Variants in DNM3 observed in about 807,000 individuals in gnomAD.
The protein encoded by DNM3 is dynamin 3.
Under a neutral mutation model 101.6 loss-of-function variants are expected in DNM3, and 47 were observed. That is an observed-to-expected ratio of 0.46 (90% confidence interval 0.37 to 0.59). DNM3 has a LOEUF of 0.59. DNM3 is among the 20% of genes least tolerant of loss of function. DNM3 has a pLI of 0.00. For synonymous variants in DNM3, 385 were observed against 387.9 expected, an observed-to-expected ratio of 0.99 and a Z score of 0.09; for missense variants, 849 against 1,085.7, an observed-to-expected ratio of 0.78 and a Z score of 3.06.
intron 17 of DNM3, among the ~76,000 whole-genome samples, chr1:172,336,588 T>C (rs1288569566): frequency 1.3e-5 from 2 of 151,548 alleles, no homozygotes; most frequent in Non-Finnish European, 2.9e-5. Context: ...CAGTTTACTT[T>C]CCTTAAATCT....
intron 1 of DNM3, among the ~76,000 whole-genome samples, chr1:171,852,915 C>T (rs751159164): frequency 6.6e-6 from 1 of 150,606 alleles, no homozygotes; most frequent in Non-Finnish European, 1.5e-5. Flanking sequence ...TTGTTTTAAA[C>T]AGTCTACGAT....
intron 15 of DNM3, among the ~76,000 whole-genome samples, chr1:172,299,693 G>A (rs1309883612): frequency 6.6e-6 from 1 of 152,114 alleles, no homozygotes; most frequent in African/African-American, 2.4e-5. Flanking sequence ...CTCCATCCAT[G>A]TTGTTGCAAA....
chr1:171,843,809 A>AT (rs1381834839), intron 1 of DNM3, among the ~76,000 whole-genome samples: 1 of 152,210 alleles, frequency 6.6e-6, no homozygotes, highest in African/African-American at 2.4e-5. Context: ...AGAGTAAAAT[A>AT]TTTAAGTTTG....
intron 14 of DNM3, among the ~76,000 whole-genome samples, chr1:172,250,022 A>G (rs2062107477): frequency 6.6e-6 from 1 of 152,198 alleles, no homozygotes; most frequent in Non-Finnish European, 1.5e-5. Context: ...TAAACAAGAG[A>G]GTTGACTGAA....
chr1:172,346,454 AATCAGTGAAGACATTTAAAC>A (rs2066945532), intron 17 of DNM3, among the ~76,000 whole-genome samples: 2 of 152,210 alleles, frequency 1.3e-5, no homozygotes, highest in African/African-American at 4.8e-5. Flanking sequence ...AGCACTGTGG[AATCAGTGAAGACATTTAAAC>A]ATGGGATCAT....
intron 2 of DNM3, among the ~76,000 whole-genome samples, chr1:171,968,781 T>C (rs2043778881): frequency 6.6e-6 from 1 of 152,040 alleles, no homozygotes; most frequent in African/African-American, 2.4e-5. Context: ...TAAGCTATAC[T>C]AAGGGAAAAA....
intron 4 of DNM3, among the ~76,000 whole-genome samples, chr1:172,012,026 A>G (rs1485764872): frequency 6.6e-6 from 1 of 152,014 alleles, no homozygotes; most frequent in East Asian, 1.9e-4. Context: ...AATTTGCAAC[A>G]TTTGTTTCCT....
At chr1:172,140,710 T>G (rs1202646245) in intron 14 of DNM3, 1 of 151,944 alleles carries the variant, frequency 6.6e-6, no homozygotes, top group Non-Finnish European at 1.5e-5. Context: ...CAACAGTTTT[T>G]CAGGGGAAAA....
chr1:171,927,684 T>G (rs2040689694), intron 2 of DNM3, among the ~76,000 whole-genome samples: 1 of 152,190 alleles, frequency 6.6e-6, no homozygotes, highest in African/African-American at 2.4e-5. Context: ...TATATGGCCT[T>G]AAAAAAGAAC....
At chr1:172,119,518 C>T (rs2056161989) in intron 13 of DNM3, among the ~76,000 whole-genome samples, 1 of 152,000 alleles carries the variant, frequency 6.6e-6, no homozygotes, top group Non-Finnish European at 1.5e-5. Context: ...CTTCATGGGT[C>T]CATCCTCTCC....
chr1:172,401,689 A>G (rs937992330), intron 20 of DNM3, among the ~76,000 whole-genome samples: 1 of 152,226 alleles, frequency 6.6e-6, no homozygotes, highest in African/African-American at 2.4e-5. Flanking sequence ...TCTTTCCAGC[A>G]TCTACTGTAA....
chr1:172,193,100 T>C (rs2148448270), intron 14 of DNM3, among the ~76,000 whole-genome samples: 1 of 152,024 alleles, frequency 6.6e-6, no homozygotes, highest in Non-Finnish European at 1.5e-5. Context: ...CTCATTGTGG[T>C]TTTGATTTGC....
intron 17 of DNM3, among the ~76,000 whole-genome samples, chr1:172,358,920 A>G (rs1315182113): frequency 1.3e-5 from 2 of 151,612 alleles, no homozygotes; most frequent in Non-Finnish European, 2.9e-5. Context: ...CCACAGACAG[A>G]GTAGTCGGTA....
At chr1:172,364,426 A>G (rs992680408) in intron 17 of DNM3, among the ~76,000 whole-genome samples, 6 of 151,868 alleles carry the variant, frequency 4.0e-5, no homozygotes, top group Non-Finnish European at 7.4e-5. Flanking sequence ...TCTAAATACC[A>G]AATTATAGGA....
At chr1:172,340,320 T>C (rs914594111) in intron 17 of DNM3, among the ~76,000 whole-genome samples, 1 of 152,210 alleles carries the variant, frequency 6.6e-6, no homozygotes, top group African/African-American at 2.4e-5. Context: ...TGACAGCCTC[T>C]ACTCCATGGA....
intron 14 of DNM3, among the ~76,000 whole-genome samples, chr1:172,201,418 G>A (rs1375124671): frequency 6.6e-6 from 1 of 152,166 alleles, no homozygotes; most frequent in East Asian, 1.9e-4. Flanking sequence ...AGGGAAGTTA[G>A]TAGTGGTCAT....
intron 1 of DNM3, among the ~76,000 whole-genome samples, chr1:171,886,965 A>C (rs1485534403): frequency 6.6e-6 from 1 of 152,222 alleles, no homozygotes; most frequent in Non-Finnish European, 1.5e-5. Context: ...TTATAGTAAA[A>C]TTGTATTTTA....
chr1:172,195,323 G>A (rs1166009620), intron 14 of DNM3, among the ~76,000 whole-genome samples: 1 of 151,724 alleles, frequency 6.6e-6, no homozygotes. Flanking sequence ...AAAGACTTTG[G>A]GACAATTGTT....
In DNM3 at chr1:171,931,335, A is replaced by G. The variant is rs76885863; in HGVS notation, c.235+9514A>G. Among the ~76,000 whole-genome samples, 1,135 of 152,324 alleles carry G rather than the reference A, an allele frequency of 7.5e-3. 16 individuals are homozygous for G. Among genetic ancestry groups the G allele is most frequent in the African/African-American group, 0.026 (1,083 of 41,576 alleles). ...ATTTTTATAATGTTATAAAATCTGT[A>G]TTAAGTTTGATTCAAAGGACAGGCT... On this transcript the variant is annotated intron_variant, in intron 2 of 20. Transcript: ENST00000627582.
Sources: allele counts gnomAD v4.1 joint callset (sites outside exome capture counted in the v4.1 genomes callset), GRCh38; gene constraint gnomAD v4.1.1; transcripts MANE v1.5; gene names NCBI Gene and HGNC (gene_info 2026-07-23, HGNC 2026-07-21).